CMIP: variants seen among roughly 807,000 people sequenced by gnomAD.
CMIP encodes the protein c-Maf inducing protein.
Under a neutral mutation model 97.3 loss-of-function variants are expected in CMIP, and 13 were observed. The observed-to-expected ratio is 0.13, with a 90% CI of 0.09 to 0.21. The LOEUF (loss-of-function observed/expected upper bound fraction) is 0.21, where lower values mean the gene tolerates loss of function less well. Ranked by LOEUF, CMIP falls within the 10% of genes least tolerant of loss-of-function variation. CMIP has a pLI of 1.00. For missense variants in CMIP, 847 were observed against 1,024.9 expected (o/e 0.83, Z 2.37); for synonymous variants, 538 against 436.3 (o/e 1.23, Z -2.91).
At chr16:81,450,053 G>A (rs892769631) in intron 1 of CMIP, among the ~76,000 whole-genome samples, 4 of 152,152 alleles carry the variant, frequency 2.6e-5, no homozygotes, top group African/African-American at 7.2e-5. Context: ...CTGATGTGGC[G>A]GCCCTGCCTG....
chr16:81,499,296 C>T (rs2089551894), intron 1 of CMIP, among the ~76,000 whole-genome samples: 1 of 152,196 alleles, frequency 6.6e-6, no homozygotes, highest in Non-Finnish European at 1.5e-5. Flanking sequence ...CACACCTATG[C>T]ATGGAAGGAC....
chr16:81,690,131 A>G (rs1181544642), intron 10 of CMIP, among the ~76,000 whole-genome samples: 1 of 152,114 alleles, frequency 6.6e-6, no homozygotes, highest in East Asian at 1.9e-4. Context: ...TTGTCTTGGC[A>G]ATGTGGGCTC....
At chr16:81,456,861 C>T (rs1567525047) in intron 1 of CMIP, among the ~76,000 whole-genome samples, 1 of 152,330 alleles carries the variant, frequency 6.6e-6, no homozygotes, top group Non-Finnish European at 1.5e-5. Flanking sequence ...TCTACCCTGA[C>T]TGCACTGGGG....
At chr16:81,683,952 G>A (rs1255775176) in intron 10 of CMIP, among the ~76,000 whole-genome samples, 3 of 150,526 alleles carry the variant, frequency 2.0e-5, no homozygotes, top group Non-Finnish European at 4.4e-5. Context: ...GTAGAGATGG[G>A]GTTTCGCCAT....
chr16:81,679,575 G>C (rs756718411), intron 10 of CMIP, among the ~76,000 whole-genome samples: 3 of 151,936 alleles, frequency 2.0e-5, no homozygotes, highest in Non-Finnish European at 4.4e-5. Context: ...TATTTGTGCC[G>C]TGTGCCTGGG....
intron 3 of CMIP, among the ~76,000 whole-genome samples, chr16:81,634,671 C>T (rs535044850): frequency 3.3e-5 from 5 of 152,304 alleles, no homozygotes; most frequent in African/African-American, 1.2e-4. Flanking sequence ...GACAGCATTA[C>T]CTGGCTTGAA....
At chr16:81,555,931 C>T (rs1296778335) in intron 1 of CMIP, among the ~76,000 whole-genome samples, 1 of 152,176 alleles carries the variant, frequency 6.6e-6, no homozygotes, top group Non-Finnish European at 1.5e-5. Context: ...AGCATGAGAG[C>T]TAGGGGTAAA....
chr16:81,615,309 G>A (rs1307716183), intron 2 of CMIP, among the ~76,000 whole-genome samples: 1 of 92,324 alleles, frequency 1.1e-5, no homozygotes. Flanking sequence ...TGTAACTGGT[G>A]TGTGTGTATG....
chr16:81,607,742 C>G, intron 2 of CMIP, 50 bp downstream of exon 2: 2 of 1,592,010 alleles, frequency 1.3e-6, no homozygotes, highest in African/African-American at 2.7e-5. Flanking sequence ...CATCTTCATG[C>G]ACTTGTGCCC....
At chr16:81,464,527 TTC>T (rs1907087174) in intron 1 of CMIP, 1 of 152,078 alleles carries the variant, frequency 6.6e-6, no homozygotes, top group Admixed American at 6.5e-5. Context: ...CATTCATTCA[TTC>T]GTTTTGGCAG....
intron 4 of CMIP, among the ~76,000 whole-genome samples, chr16:81,657,513 C>G (rs983775117): frequency 6.6e-6 from 1 of 152,128 alleles, no homozygotes; most frequent in East Asian, 1.9e-4. Flanking sequence ...CCCCTAGACT[C>G]GACTCACTCA....
chr16:81,483,873 A>G (rs1357412913), intron 1 of CMIP, among the ~76,000 whole-genome samples: 1 of 152,202 alleles, frequency 6.6e-6, no homozygotes, highest in Non-Finnish European at 1.5e-5. Context: ...TCTTTATCCA[A>G]ATCAAAGGAC....
intron 1 of CMIP, among the ~76,000 whole-genome samples, chr16:81,483,242 T>G (rs978825730): frequency 2.0e-5 from 3 of 152,138 alleles, no homozygotes; most frequent in African/African-American, 7.2e-5. Flanking sequence ...GCTGTGCATG[T>G]GCAAAGGCCA....
intron 1 of CMIP, among the ~76,000 whole-genome samples, chr16:81,591,949 A>T (rs2091473050): frequency 6.7e-6 from 1 of 150,114 alleles, no homozygotes; most frequent in Admixed American, 6.6e-5. Flanking sequence ...TCAGCCTCCC[A>T]GGTAGCTGGG....
At chr16:81,586,609 G>C (rs2091386723) in intron 1 of CMIP, among the ~76,000 whole-genome samples, 1 of 151,278 alleles carries the variant, frequency 6.6e-6, no homozygotes, top group Admixed American at 6.6e-5. Context: ...CAGTTTTTAT[G>C]ACTCACCTCC....
chr16:81,502,926 G>A (rs906199356), intron 1 of CMIP, among the ~76,000 whole-genome samples: 56 of 152,312 alleles, frequency 3.7e-4, no homozygotes, highest in African/African-American at 1.3e-3. Context: ...TAATCACTTT[G>A]TCTTTGCTGC....
rs187642189 is a variant in CMIP, at chr16:81,624,429, G to T, written c.477+3503G>T. 2.0e-5 allele frequency among the ~76,000 whole-genome samples: 3 copies of T among 149,344 alleles called. No homozygotes were observed. The East Asian group carries it at 5.9e-4, about 29-fold the overall frequency. On this transcript the variant is annotated intron_variant, in intron 3 of 20. Transcript: ENST00000537098. ...TGCGGTGCACATACTGTCAGAATAC[G>T]TTCTCCTGTATGTAAAGAATGCCAC...
chr16:81,586,307 G>A (rs1285492863), intron 1 of CMIP, among the ~76,000 whole-genome samples: 1 of 152,164 alleles, frequency 6.6e-6, no homozygotes, highest in Non-Finnish European at 1.5e-5. Flanking sequence ...TAGTAGAGGC[G>A]TGATGCATCT....
intron 1 of CMIP, among the ~76,000 whole-genome samples, chr16:81,574,619 C>A (rs956292190): frequency 6.6e-6 from 1 of 152,230 alleles, no homozygotes; most frequent in South Asian, 2.1e-4. Flanking sequence ...AAGAAAGAGC[C>A]TTCGAGTATG....
Sources: gnomAD v4.1 joint callset for allele counts (sites outside exome capture counted in the v4.1 genomes callset) on GRCh38, gnomAD v4.1.1 for gene constraint, MANE v1.5 for transcripts, NCBI Gene and HGNC (gene_info 2026-07-23, HGNC 2026-07-21) for gene names.